The following GNPTAB variants were observed in gnomAD, a reference collection of about 807,000 sequenced individuals.
GNPTAB encodes the protein N-acetylglucosamine-1-phosphate transferase subunits alpha and beta.
In GNPTAB, 92 loss-of-function variants were observed where a neutral mutation model predicts 136.6. The ratio of observed to expected loss-of-function variants is 0.67; its 90% CI spans 0.57 to 0.80. The LOEUF (loss-of-function observed/expected upper bound fraction) is 0.80, where lower values mean the gene tolerates loss of function less well. Among genes scored for constraint, GNPTAB ranks in the 30% least tolerant of loss-of-function variants. The pLI is 0.00. For synonymous variants in GNPTAB, 512 were observed against 535.1 expected (o/e 0.96, Z 0.60); for missense variants, 1,343 against 1,501.8 (o/e 0.89, Z 1.75).
At chr12:101,817,208 G>A (rs1870551627) in intron 1 of GNPTAB, among the ~76,000 whole-genome samples, 1 of 149,814 alleles carries the variant, frequency 6.7e-6, no homozygotes, top group Non-Finnish European at 1.5e-5. Context: ...CCAACACAAA[G>A]AAATGATACA....
chr12:101,798,583 T>A (rs1228080386), intron 1 of GNPTAB, among the ~76,000 whole-genome samples: 3 of 152,220 alleles, frequency 2.0e-5, no homozygotes, highest in African/African-American at 4.8e-5. Flanking sequence ...AAACACAGAC[T>A]GTACATGGTA....
chr12:101,808,369 G>A (rs1362347470), intron 1 of GNPTAB, among the ~76,000 whole-genome samples: 4 of 142,734 alleles, frequency 2.8e-5, no homozygotes, highest in Non-Finnish European at 4.6e-5. Flanking sequence ...GACCAGCCCG[G>A]GCAATTAAAA....
At chr12:101,754,299 T>C (rs11110998) in intron 18 of GNPTAB, among the ~76,000 whole-genome samples, 90,411 of 151,638 alleles carry the variant, frequency 0.6, 27,531 homozygotes, top group East Asian at 0.9. Context: ...TGTGGTGGCA[T>C]GCCTGTAATC....
chr12:101,827,504 G>A (rs973569035), intron 1 of GNPTAB, among the ~76,000 whole-genome samples: 3 of 152,014 alleles, frequency 2.0e-5, no homozygotes, highest in Admixed American at 2.0e-4. Flanking sequence ...CCAAAGTCCT[G>A]GGATTACAGG....
intron 5 of GNPTAB, among the ~76,000 whole-genome samples, chr12:101,784,615 T>G (rs1868527601): frequency 6.6e-6 from 1 of 150,788 alleles, no homozygotes. Flanking sequence ...ATTATTGGAG[T>G]CTGTGTGAGG....
chr12:101,814,119 T>C (rs1398097559), intron 1 of GNPTAB, among the ~76,000 whole-genome samples: 1 of 149,618 alleles, frequency 6.7e-6, no homozygotes, highest in Non-Finnish European at 1.5e-5. Context: ...GGCAACATGA[T>C]GAAACACCAT....
At chr12:101,784,808 A>T (rs1250778918) in intron 5 of GNPTAB, among the ~76,000 whole-genome samples, 1 of 152,152 alleles carries the variant, frequency 6.6e-6, no homozygotes. Context: ...GAGCTAGAGA[A>T]CTAGACTTGG....
chr12:101,794,837 T>C (rs1869189517), intron 2 of GNPTAB, among the ~76,000 whole-genome samples: 1 of 152,010 alleles, frequency 6.6e-6, no homozygotes, highest in African/African-American at 2.4e-5. Context: ...GAGGTCAAGA[T>C]GGGAGGATTG....
At chr12:101,775,716 AGTTG>A (rs1021315761) in intron 7 of GNPTAB, among the ~76,000 whole-genome samples, 1 of 151,986 alleles carries the variant, frequency 6.6e-6, no homozygotes, top group African/African-American at 2.4e-5. Flanking sequence ...TCAGTTTCAG[AGTTG>A]GTTGTTTCAT....
chr12:101,764,590 G>C lies in GNPTAB; in HGVS notation c.2327C>G (p.Pro776Arg). Residue 776 changes from proline to arginine, a missense_variant, in exon 13 of 21, where the codon CCA becomes CGA. Physicochemically the swap from Pro to Arg is moderately radical, Grantham distance 103 (BLOSUM62 -2). Transcript: ENST00000299314. ...TCTTTCAGACACTCCTAAGCTGTTTGGCAAGATGCTTTTATGAACCTGTTT... is the reference window on the plus strand; with the variant it reads ...TCTTTCAGACACTCCTAAGCTGTTTCGCAAGATGCTTTTATGAACCTGTTT... ...QEKQVHKSIL[P>R]NSLGVSERLQ... 3.1e-6 allele frequency: 5 copies of C among 1,614,056 alleles called. No individual in the cohort carries two copies. The highest frequency in any genetic ancestry group is 4.2e-6 in the Non-Finnish European group (5 of 1,180,002).
chr12:101,784,327 C>T (rs757424892), intron 5 of GNPTAB, among the ~76,000 whole-genome samples: 1 of 152,144 alleles, frequency 6.6e-6, no homozygotes, highest in Admixed American at 6.5e-5. Flanking sequence ...GGCAGTGGGA[C>T]ACAAGGCCTA....
chr12:101,814,354 A>T (rs1285570949), intron 1 of GNPTAB, among the ~76,000 whole-genome samples: 9 of 152,038 alleles, frequency 5.9e-5, no homozygotes, highest in Non-Finnish European at 1.2e-4. Flanking sequence ...TATGTGGATT[A>T]TGTTTATTCA....
At position 101,764,886 on chromosome 12, in the gene GNPTAB, C is replaced by A; in HGVS notation, c.2031G>T (p.Lys677Asn). 6.2e-7 allele frequency: 1 copy of A among 1,614,176 alleles called. No homozygotes were observed. Among genetic ancestry groups the A allele is most frequent in the Non-Finnish European group, 8.5e-7 (1 of 1,180,030 alleles). Residue 677 changes from lysine to asparagine, a missense_variant, in exon 13 of 21, where the codon AAG (lysine) becomes AAT (asparagine). Lys to Asn is a moderately conservative substitution (Grantham distance 94). Coordinates refer to ENST00000299314, the MANE Select transcript of GNPTAB (RefSeq NM_024312.5). ...TTGAGTTAACATCATGTCTCTTAAA[C>A]TTCGGGAAGCGTTTTTCTTTGGGAA... ...EDIPKEKRFP[K>N]FKRHDVNSTR...
At chr12:101,773,777 T>A (rs141683725) in intron 7 of GNPTAB, 1 of 152,292 alleles carries the variant, frequency 6.6e-6, no homozygotes, top group East Asian at 1.9e-4. Flanking sequence ...GGCACCCCAA[T>A]CCTGGACATC....
At chr12:101,766,017 A>C in intron 12 of GNPTAB, 74 bp downstream of exon 12, 1 of 1,202,982 alleles carries the variant, frequency 8.3e-7, no homozygotes. Context: ...AAATAACAAA[A>C]GCCATTCAAA....
chr12:101,763,575 A>C (rs946564442), intron 13 of GNPTAB, among the ~76,000 whole-genome samples: 2 of 152,092 alleles, frequency 1.3e-5, no homozygotes, highest in Non-Finnish European at 2.9e-5. Flanking sequence ...CTTCTTGCCC[A>C]TATCTCAACA....
intron 1 of GNPTAB, among the ~76,000 whole-genome samples, chr12:101,813,289 C>A (rs1398717243): frequency 6.6e-6 from 1 of 152,110 alleles, no homozygotes; most frequent in Non-Finnish European, 1.5e-5. Context: ...ACACAAAAAA[C>A]AGGTGGAGTT....
intron 1 of GNPTAB, among the ~76,000 whole-genome samples, chr12:101,823,213 G>C (rs1484304434): frequency 6.6e-6 from 1 of 152,174 alleles, no homozygotes; most frequent in East Asian, 1.9e-4. Flanking sequence ...GAACGGAAAA[G>C]TGCCATGATG....
At chr12:101,798,314 C>T (rs1566091351) in intron 1 of GNPTAB, among the ~76,000 whole-genome samples, 1 of 152,196 alleles carries the variant, frequency 6.6e-6, no homozygotes, top group Non-Finnish European at 1.5e-5. Context: ...TTTCCTTCTA[C>T]TCTACATGCC....
Sources: gnomAD v4.1 joint callset for allele counts (sites outside exome capture counted in the v4.1 genomes callset) on GRCh38, gnomAD v4.1.1 for gene constraint, MANE v1.5 for transcripts, NCBI Gene and HGNC (gene_info 2026-07-23, HGNC 2026-07-21) for gene names.